AKAP19: variants seen among roughly 807,000 people sequenced by gnomAD.
The protein encoded by AKAP19 is A-kinase anchoring protein 19, also known as small A-kinase anchoring protein.
At chr2:190,105,756 G>T in the AKAP19 span, among the ~76,000 whole-genome samples, 2 of 152,186 alleles carry the variant, frequency 1.3e-5, no homozygotes, top group African/African-American at 2.4e-5. Flanking sequence ...CTCCCATGTG[G>T]TTCCTGTCTC....
chr2:189,949,733 G>A, the AKAP19 span, among the ~76,000 whole-genome samples: 1 of 147,828 alleles, frequency 6.8e-6, no homozygotes, highest in Non-Finnish European at 1.5e-5. Context: ...CCGGGTTAAA[G>A]TGATTCTCCT....
chr2:189,884,345 TAAC>T, the AKAP19 span, among the ~76,000 whole-genome samples: 7 of 152,120 alleles, frequency 4.6e-5, no homozygotes, highest in Admixed American at 2.0e-4. Flanking sequence ...AATTCACTAA[TAAC>T]AATAGCAAAA....
chr2:189,998,503 G>C, the AKAP19 span, among the ~76,000 whole-genome samples: 1 of 152,116 alleles, frequency 6.6e-6, no homozygotes, highest in African/African-American at 2.4e-5. Context: ...TTGTATGTGT[G>C]CAGGAATTTG....
chr2:190,036,951 A>G, the AKAP19 span, among the ~76,000 whole-genome samples: 1 of 152,250 alleles, frequency 6.6e-6, no homozygotes, highest in Non-Finnish European at 1.5e-5. Context: ...GCAATTTATA[A>G]AAGACAACAT....
At chr2:189,974,150 A>G in the AKAP19 span, among the ~76,000 whole-genome samples, 2 of 151,764 alleles carry the variant, frequency 1.3e-5, no homozygotes, top group African/African-American at 2.4e-5. Context: ...CACTGCTTTA[A>G]ATGTGTCCCA....
At chr2:189,946,934 A>T in the AKAP19 span, among the ~76,000 whole-genome samples, 14 of 152,358 alleles carry the variant, frequency 9.2e-5, no homozygotes, top group African/African-American at 3.1e-4. Context: ...GCCTATGCTT[A>T]GTGCAGCTTT....
the AKAP19 span, among the ~76,000 whole-genome samples, chr2:190,095,060 T>G: frequency 2.0e-5 from 3 of 152,078 alleles, no homozygotes; most frequent in African/African-American, 7.2e-5. Flanking sequence ...CCATCTCTAC[T>G]AAAAATACAA....
chr2:189,891,223 C>CTTTTTTTTTTTTTTTT, the AKAP19 span, among the ~76,000 whole-genome samples: 2 of 110,468 alleles, frequency 1.8e-5, no homozygotes, highest in African/African-American at 3.9e-5. Context: ...TTTTTTTTTC[C>CTTTTTTTTTTTTTTTT]TTTTTTTTTT....
chr2:189,995,683 GT>G, the AKAP19 span, among the ~76,000 whole-genome samples: 19 of 147,550 alleles, frequency 1.3e-4, no homozygotes, highest in Middle Eastern at 3.6e-3. Flanking sequence ...TACCTTGTGT[GT>G]TTTTTTTTTC....
the AKAP19 span, among the ~76,000 whole-genome samples, chr2:189,956,095 AT>A: frequency 4.5e-4 from 68 of 152,162 alleles, no homozygotes; most frequent in African/African-American, 1.4e-3. Context: ...TTATCAAAAA[AT>A]ATTTAAGAAC....
the AKAP19 span, among the ~76,000 whole-genome samples, chr2:190,135,959 T>C: frequency 6.6e-6 from 1 of 152,200 alleles, no homozygotes; most frequent in Non-Finnish European, 1.5e-5. Flanking sequence ...GGAACAGTTT[T>C]ATGGGATAAC....
the AKAP19 span, chr2:189,917,749 AG>A: frequency 5.5e-6 from 1 of 182,100 alleles, no homozygotes; most frequent in African/African-American, 2.4e-5. Flanking sequence ...TTCATTAGAA[AG>A]GTTGATGAAT....
At chr2:190,002,630 T>G in the AKAP19 span, among the ~76,000 whole-genome samples, 1 of 152,226 alleles carries the variant, frequency 6.6e-6, no homozygotes, top group East Asian at 1.9e-4. Flanking sequence ...TTCCTTCTTA[T>G]TGAACTCCTT....
the AKAP19 span, among the ~76,000 whole-genome samples, chr2:190,053,178 T>C: frequency 6.6e-5 from 10 of 152,324 alleles, no homozygotes; most frequent in Non-Finnish European, 1.3e-4. Context: ...ATGTTAAACC[T>C]GACATAAGCT....
At chr2:190,034,471 A>G in the AKAP19 span, among the ~76,000 whole-genome samples, 55 of 137,978 alleles carry the variant, frequency 4.0e-4, no homozygotes, top group Non-Finnish European at 7.3e-4. Context: ...CCTGTGTTCC[A>G]GGGAAAAGTA....
chr2:190,197,515 A>G, the AKAP19 span, among the ~76,000 whole-genome samples: 4 of 152,130 alleles, frequency 2.6e-5, no homozygotes, highest in Admixed American at 1.3e-4. This position sits in a 1 kb window ranked among gnomAD's most constrained non-coding sequence, Gnocchi z 4.0. Flanking sequence ...CTTGAACTCT[A>G]TCTTATAAAT....
At chr2:190,057,247 T>G in the AKAP19 span, 1 of 1,612,920 alleles carries the variant, frequency 6.2e-7, no homozygotes. Context: ...TATGAACGCT[T>G]AATATAAATC....
chr2:190,062,346 G>C, the AKAP19 span: 6 of 1,613,296 alleles, frequency 3.7e-6, no homozygotes, highest in African/African-American at 8.0e-5. Flanking sequence ...GAGTGGAGGA[G>C]CTTTGGGTAA....
the AKAP19 span, among the ~76,000 whole-genome samples, chr2:190,047,207 C>T: frequency 6.6e-6 from 1 of 152,154 alleles, no homozygotes; most frequent in Non-Finnish European, 1.5e-5. Context: ...CTGAACTTCT[C>T]ACAGGACCTG....
Sources: allele counts gnomAD v4.1 joint callset (sites outside exome capture counted in the v4.1 genomes callset), GRCh38; gene constraint gnomAD v4.1.1; non-coding constraint Gnocchi (gnomAD v3.1); transcripts MANE v1.5; gene names NCBI Gene and HGNC (gene_info 2026-07-23, HGNC 2026-07-21).